Variants in ATF1 observed in about 807,000 individuals in gnomAD.
ATF1 encodes the protein cyclic AMP-dependent transcription factor ATF-1.
ATF1 carries 16 observed loss-of-function variants against 34.7 expected under a neutral mutation model. That is an observed-to-expected ratio of 0.46 (90% CI 0.31 to 0.70). The LOEUF (loss-of-function observed/expected upper bound fraction) is 0.70. ATF1 is among the 30% of genes least tolerant of loss of function. ATF1 has a pLI of 0.05. For missense variants in ATF1, 255 were observed against 321.6 expected (o/e 0.79, Z 1.58); for synonymous variants, 105 against 113.1 (o/e 0.93, Z 0.46).
At chr12:50,776,245 G>C (rs1271351253) in intron 1 of ATF1, among the ~76,000 whole-genome samples, 1 of 151,086 alleles carries the variant, frequency 6.6e-6, no homozygotes, top group Non-Finnish European at 1.5e-5. Context: ...GAACCCGGGA[G>C]GTGGAGCTTG....
intron 2 of ATF1, among the ~76,000 whole-genome samples, chr12:50,794,319 C>T (rs1297515166): frequency 2.0e-5 from 3 of 151,552 alleles, no homozygotes; most frequent in Admixed American, 1.3e-4. Flanking sequence ...GCAATCCCAG[C>T]ACTTTGGGAG....
At chr12:50,776,278 T>C (rs1405235344) in intron 1 of ATF1, among the ~76,000 whole-genome samples, 1 of 127,812 alleles carries the variant, frequency 7.8e-6, no homozygotes, top group Non-Finnish European at 1.8e-5. Context: ...ATCGTCCCAC[T>C]GCACTCCAGC....
At position 50,772,676 on chromosome 12, in the gene ATF1, T is replaced by C. The variant is rs1051072528; in HGVS notation, c.-6-7464T>C. Reference sequence around the variant, plus strand: ...GTGAGGTAACTGTCTAAATATATTTTTCTCTCTCTCTCTCTCTCTTTTATT... The same window carrying C: ...GTGAGGTAACTGTCTAAATATATTTCTCTCTCTCTCTCTCTCTCTTTTATT... On this transcript the variant is annotated intron_variant, in intron 1 of 6. Coordinates refer to ENST00000262053, the MANE Select transcript of ATF1 (RefSeq NM_005171.5). Among the ~76,000 whole-genome samples, 54 of 150,542 alleles carry C rather than the reference T, an allele frequency of 3.6e-4. 1 individual carries two copies. The South Asian group carries it at 5.7e-3, about 16-fold the overall frequency.
At chr12:50,792,824 A>G (rs1348231184) in intron 2 of ATF1, among the ~76,000 whole-genome samples, 1 of 151,766 alleles carries the variant, frequency 6.6e-6, no homozygotes, top group Non-Finnish European at 1.5e-5. Flanking sequence ...TATATGCTTT[A>G]TGGAGTTAGT....
At chr12:50,809,102 G>C (rs1178316630) in intron 3 of ATF1, among the ~76,000 whole-genome samples, 1 of 152,048 alleles carries the variant, frequency 6.6e-6, no homozygotes, top group African/African-American at 2.4e-5. Context: ...GGCCGGGCAT[G>C]GTGGCACATG....
chr12:50,811,132 C>T (rs1053045432), intron 4 of ATF1, among the ~76,000 whole-genome samples: 1 of 152,154 alleles, frequency 6.6e-6, no homozygotes, highest in African/African-American at 2.4e-5. Flanking sequence ...TCATGCCTGG[C>T]ATGTTCTTCC....
Position 50,809,607 on chromosome 12 carries a change from T to C in ATF1, c.328+18T>C, listed in dbSNP as rs1445795513. 4 of 1,594,244 alleles carry C rather than the reference T, an allele frequency of 2.5e-6. No individual in the cohort carries two copies. The South Asian group carries it at 4.5e-5, about 18-fold the overall frequency. Reference sequence around the variant, plus strand: ...ACAGTACAGTATGTATAGGAATCAGTTTCCACATTATAAACACACAAAACC... The same window carrying C: ...ACAGTACAGTATGTATAGGAATCAGCTTCCACATTATAAACACACAAAACC... On this transcript the variant is annotated intron_variant, in intron 4 of 6. Coordinates refer to ENST00000262053, the MANE Select transcript of ATF1 (RefSeq NM_005171.5).
chr12:50,815,731 C>A (rs1342964386), intron 6 of ATF1, among the ~76,000 whole-genome samples: 1 of 151,960 alleles, frequency 6.6e-6, no homozygotes, highest in African/African-American at 2.4e-5. Context: ...ACTATGAAAA[C>A]CAGTATGGAG....
At chr12:50,818,924 A>G (rs1941895689) in intron 6 of ATF1, among the ~76,000 whole-genome samples, 1 of 152,202 alleles carries the variant, frequency 6.6e-6, no homozygotes, top group South Asian at 2.1e-4. Context: ...CGATTTCTAT[A>G]TGTATATAAA....
At chr12:50,801,878 G>T (rs1941518269) in intron 3 of ATF1, among the ~76,000 whole-genome samples, 1 of 151,770 alleles carries the variant, frequency 6.6e-6, no homozygotes, top group South Asian at 2.1e-4. Context: ...AAATAATGTG[G>T]ATATCCCCTC....
At chr12:50,791,147 G>A (rs532455711) in intron 2 of ATF1, among the ~76,000 whole-genome samples, 55 of 152,276 alleles carry the variant, frequency 3.6e-4, no homozygotes, top group South Asian at 1.9e-3. Flanking sequence ...GTTCTTAGTG[G>A]CTGGATAAAT....
intron 3 of ATF1, 127 bp downstream of exon 3, chr12:50,796,136 G>C: frequency 1.3e-6 from 1 of 782,998 alleles, no homozygotes; most frequent in Non-Finnish European, 2.0e-6. Flanking sequence ...GTTGGCCCTC[G>C]CCTATAATCC....
chr12:50,775,780 G>A (rs1385929826), intron 1 of ATF1: 1 of 152,098 alleles, frequency 6.6e-6, no homozygotes, highest in Admixed American at 6.6e-5. Context: ...TCTAATTTAT[G>A]TCTTCTGAAG....
chr12:50,804,030 G>A (rs950587649), intron 3 of ATF1, among the ~76,000 whole-genome samples: 1 of 152,106 alleles, frequency 6.6e-6, no homozygotes, highest in Non-Finnish European at 1.5e-5. Flanking sequence ...TTATAGTGGT[G>A]GTTGCACAAC....
intron 1 of ATF1, among the ~76,000 whole-genome samples, chr12:50,776,526 T>A (rs986250280): frequency 1.9e-4 from 28 of 149,872 alleles, no homozygotes; most frequent in Non-Finnish European, 3.8e-4. Context: ...GGAAAACACT[T>A]GAGACTCTGG....
intron 1 of ATF1, among the ~76,000 whole-genome samples, chr12:50,767,220 TA>T (rs71086474): frequency 1.2e-3 from 174 of 147,124 alleles, no homozygotes; most frequent in Middle Eastern, 3.5e-3. Flanking sequence ...AGTGAATGGT[TA>T]AAAAAAAAAA....
At chr12:50,774,096 A>G (rs760044769) in intron 1 of ATF1, among the ~76,000 whole-genome samples, 6 of 151,714 alleles carry the variant, frequency 4.0e-5, no homozygotes, top group Non-Finnish European at 8.8e-5. Flanking sequence ...CATTGGCACT[A>G]TCTCAGCTCA....
intron 2 of ATF1, among the ~76,000 whole-genome samples, chr12:50,794,195 C>G (rs988769542): frequency 1.3e-5 from 2 of 151,806 alleles, no homozygotes; most frequent in African/African-American, 4.8e-5. Context: ...CGTGATCCAC[C>G]CACCTCGGCC....
intron 1 of ATF1, among the ~76,000 whole-genome samples, chr12:50,769,258 A>G (rs182040464): frequency 9.8e-5 from 15 of 152,308 alleles, no homozygotes; most frequent in Middle Eastern, 3.4e-3. Flanking sequence ...TAATCCCAGC[A>G]CTTAGGGAGG....
Sources: gnomAD v4.1 joint callset for allele counts (sites outside exome capture counted in the v4.1 genomes callset) on GRCh38, gnomAD v4.1.1 for gene constraint, MANE v1.5 for transcripts, NCBI Gene and HGNC (gene_info 2026-07-23, HGNC 2026-07-21) for gene names.